The following UMOD variants were observed in gnomAD, a reference collection of about 807,000 sequenced individuals.
The protein encoded by UMOD is uromodulin.
In UMOD, 64 loss-of-function variants were observed where a neutral mutation model predicts 66.0. That is an observed-to-expected ratio of 0.97 (90% CI 0.79 to 1.19). The LOEUF (loss-of-function observed/expected upper bound fraction) is 1.19, where lower values mean the gene tolerates loss of function less well. Among genes scored for constraint, UMOD ranks in the 50% most tolerant of loss-of-function variants. The probability of loss-of-function intolerance (pLI) is 0.00; values close to 1 mark genes in which losing one functional copy is unlikely to be tolerated. For missense variants in UMOD, 764 were observed against 850.9 expected (o/e 0.90, Z 1.27); for synonymous variants, 398 against 352.7 (o/e 1.13, Z -1.44).
Position 20,333,351 on chromosome 16 carries a change from A to C in UMOD, c.1886T>G (p.Leu629Arg), listed in dbSNP as rs777527036. The stretch of plus-strand genomic sequence containing the variant: ...CAGGGTCAAGGTGGCCGAGAGAAGC[A>C]GAGGCAGCCAGACTTTCAGGAGCCC... ...SLGLLKVWLP[L>R]LLSATLTLTF... Residue 629 changes from leucine to arginine, a missense_variant, in exon 11 of 11, where the codon CTG becomes CGG. Physicochemically the swap from Leu to Arg is moderately radical, Grantham distance 102. Transcript: ENST00000396138. 6.2e-7 allele frequency: 1 copy of C among 1,613,238 alleles called. No homozygotes were observed. The highest frequency in any genetic ancestry group is 1.1e-5 in the South Asian group (1 of 90,824).
chr16:20,344,301 C>G, intron 5 of UMOD, 129 bp from the exon 6 acceptor site: 1 of 964,750 alleles, frequency 1.0e-6, no homozygotes, highest in Non-Finnish European at 1.6e-6. Flanking sequence ...TCCTAGTCTC[C>G]TTGATAAAAA....
At chr16:20,345,847 G>A (rs1191465875) in intron 5 of UMOD, among the ~76,000 whole-genome samples, 1 of 152,122 alleles carries the variant, frequency 6.6e-6, no homozygotes, top group African/African-American at 2.4e-5. Flanking sequence ...CTGTAAAATG[G>A]AGAACTATCA....
intron 5 of UMOD, among the ~76,000 whole-genome samples, chr16:20,345,400 T>TTTTCTTTC (rs797021829): frequency 0.014 from 1,130 of 77,938 alleles, 13 homozygotes; most frequent in African/African-American, 0.027. Context: ...TTTTCTTTTT[T>TTTTCTTTC]TTTCTTTCTT....
Position 20,352,021 on chromosome 16 carries a change from CAA to C in UMOD, c.-103+666_-103+667del, listed in dbSNP as rs66494166. On this transcript the variant is annotated intron_variant, in intron 1 of 10. Coordinates refer to ENST00000396138, the MANE Select transcript of UMOD (RefSeq NM_003361.4). ...TGACAGAGAGTCCATCCCCCCCCCC[CAA>C]AAAAAAAAAGACAGAAAGAAAGAAA... is the stretch of plus-strand genomic sequence containing the variant. Among the ~76,000 whole-genome samples the C allele has an allele frequency of 9.7e-3, 1,191 of 123,010 alleles. 26 individuals are homozygous for C. The highest frequency in any genetic ancestry group is 0.036 in the African/African-American group (1,105 of 30,788). 80.7% of individuals were successfully genotyped at this position (123,010 alleles called of 152,430 possible). A position where few individuals can be genotyped will look rare whatever the true frequency, so the allele number is the denominator to read the frequency against.
intron 1 of UMOD, among the ~76,000 whole-genome samples, chr16:20,351,903 A>G (rs1193515062): frequency 2.6e-5 from 4 of 151,568 alleles, no homozygotes; most frequent in Non-Finnish European, 5.9e-5. Flanking sequence ...CTGTAATCCC[A>G]GCTACTCGGG....
chr16:20,344,153 G>A lies in UMOD; in HGVS notation c.1202C>T (p.Thr401Ile), dbSNP rs1204749084. The A allele has an allele frequency of 6.2e-7, 1 of 1,612,838 alleles. No individual in the cohort carries two copies. Among genetic ancestry groups the A allele is most frequent in the East Asian group, 2.2e-5 (1 of 44,824 alleles). The change falls in exon 6 of 11, where the codon ACT becomes ATT. Residue 401 changes from threonine (T) to isoleucine (I), a missense_variant. By Grantham distance (89) the Thr-to-Ile change is moderately conservative. Transcript: ENST00000396138. Reference protein sequence around the residue: ...TVLTRNETHATYSNTLYLADE... With the variant: ...TVLTRNETHAIYSNTLYLADE... ...TGCCAGGTAGAGGGTGTTGCTGTAA[G>A]TGGCATGGGTTTCATTCCTCTGTTG... is the stretch of plus-strand genomic sequence containing the variant.
At chr16:20,348,157 G>T (rs1422393885) in intron 4 of UMOD, 66 bp downstream of exon 4, 5 of 1,396,540 alleles carry the variant, frequency 3.6e-6, no homozygotes, top group Non-Finnish European at 5.1e-6. Flanking sequence ...CACAGGGGAG[G>T]AATGTGTCCC....
upstream of UMOD, among the ~76,000 whole-genome samples, chr16:20,354,261 G>A (rs1002390337): frequency 6.6e-6 from 1 of 152,128 alleles, no homozygotes; most frequent in Non-Finnish European, 1.5e-5. Flanking sequence ...ACTGGCACTG[G>A]TGTTGTCATC....
chr16:20,333,414 C>T, intron 10 of UMOD, 39 bp from the exon 11 acceptor site: 1 of 1,585,978 alleles, frequency 6.3e-7, no homozygotes. Context: ...GCTAGTACTG[C>T]TGTACTTTTG....
intron 1 of UMOD, among the ~76,000 whole-genome samples, chr16:20,352,055 T>C (rs1965928299): frequency 6.8e-6 from 1 of 148,046 alleles, no homozygotes; most frequent in Non-Finnish European, 1.5e-5. Flanking sequence ...GAAAAACATT[T>C]TATGTCATGA....
At chr16:20,337,235 T>C in intron 8 of UMOD, 56 bp downstream of exon 8, 1 of 1,601,736 alleles carries the variant, frequency 6.2e-7, no homozygotes, top group Non-Finnish European at 8.5e-7. Flanking sequence ...TTGTTTTCTT[T>C]GTGGCCAAAT....
At chr16:20,345,404 C>CTTTT (rs1965495046) in intron 5 of UMOD, among the ~76,000 whole-genome samples, 1 of 97,386 alleles carries the variant, frequency 1.0e-5, no homozygotes, top group Non-Finnish European at 1.9e-5. Flanking sequence ...CTTTTTTTTT[C>CTTTT]TTTCTTTCTT....
At chr16:20,340,673 G>T (rs759121108) in intron 7 of UMOD, among the ~76,000 whole-genome samples, 1 of 151,900 alleles carries the variant, frequency 6.6e-6, no homozygotes, top group African/African-American at 2.4e-5. Flanking sequence ...GAATGCTAAG[G>T]TTCAGCTAAA....
At chr16:20,341,540 T>A (rs1965219046) in intron 6 of UMOD, among the ~76,000 whole-genome samples, 1 of 152,214 alleles carries the variant, frequency 6.6e-6, no homozygotes, top group African/African-American at 2.4e-5. Context: ...ATGCAGGCTC[T>A]GATTTGGTGA....
upstream of UMOD, chr16:20,352,739 T>TA: frequency 8.1e-7 from 1 of 1,231,678 alleles, no homozygotes; most frequent in Non-Finnish European, 1.0e-6. Flanking sequence ...CTCATACTTA[T>TA]ATATACACAT....
Position 20,337,290 on chromosome 16 carries a change from C to T in UMOD, c.1740+1G>A, listed in dbSNP as rs1964931765. The T allele has an allele frequency of 6.2e-7, 1 of 1,614,084 alleles. No homozygotes were observed. Among genetic ancestry groups the T allele is most frequent in the Admixed American group, 1.7e-5 (1 of 60,002 alleles). On this transcript the variant is annotated splice_donor_variant, in intron 8 of 10. Transcript: ENST00000396138. LOFTEE classifies it high-confidence loss of function. The stretch of plus-strand genomic sequence containing the variant: ...GGGCTGGGGGAGGGGAGTCAACTCA[C>T]AGGCTTGCACTTTTCATTCATGGTG...
At position 20,344,195 on chromosome 16, in the gene UMOD, AG is replaced by A. The variant is rs568895568; in HGVS notation, c.1183-24del. ...CCTCTGTTGCAGGGAATGGGGGTGG[AG>A]GGGGGGTGGGGATGAGAGAAAGGGG... On this transcript the variant is annotated intron_variant, in intron 5 of 10. Transcript: ENST00000396138. 354 of 562,948 alleles carry A rather than the reference AG, an allele frequency of 6.3e-4. 2 individuals carry two copies. Among genetic ancestry groups the A allele is most frequent in the Middle Eastern group, 9.2e-4 (3 of 3,270 alleles). 34.9% of individuals were successfully genotyped at this position (562,948 alleles called of 1,614,324 possible).
At position 20,333,116 on chromosome 16, in the gene UMOD, C is replaced by T. The variant is rs1016146894; in HGVS notation, c.*198G>A. On this transcript the variant is annotated 3_prime_UTR_variant, in exon 11 of 11. Transcript: ENST00000396138. ...GATGGGGGCCTCAGGTACACCGTCA[C>T]AAGTCCCATTTTGAGAAAAAGCAGC... 21 of 628,964 alleles carry T rather than the reference C, an allele frequency of 3.3e-5. No individual in the cohort carries two copies. The highest frequency in any genetic ancestry group is 5.5e-5 in the Non-Finnish European group (19 of 342,548). 39.0% of individuals were successfully genotyped at this position (628,964 alleles called of 1,614,324 possible). A position where few individuals can be genotyped will look rare whatever the true frequency, so the allele number is the denominator to read the frequency against.
upstream of UMOD, among the ~76,000 whole-genome samples, chr16:20,355,118 G>A (rs973837333): frequency 1.3e-5 from 2 of 151,964 alleles, no homozygotes; most frequent in Non-Finnish European, 2.9e-5. Flanking sequence ...CTTCCTGACC[G>A]ACCCTGGTAC....
Sources: allele counts gnomAD v4.1 joint callset (sites outside exome capture counted in the v4.1 genomes callset), GRCh38; gene constraint gnomAD v4.1.1; transcripts MANE v1.5; gene names NCBI Gene and HGNC (gene_info 2026-07-23, HGNC 2026-07-21).